SYT14: variants seen among roughly 807,000 people sequenced by gnomAD.
The protein encoded by SYT14 is synaptotagmin-14.
In SYT14, 32 loss-of-function variants were observed where a neutral mutation model predicts 74.2. The ratio of observed to expected loss-of-function variants is 0.43; its 90% CI spans 0.33 to 0.58. The LOEUF is 0.58. SYT14 is among the 20% of genes least tolerant of loss of function. SYT14 has a pLI of 0.05. For missense variants in SYT14, 791 were observed against 981.8 expected (o/e 0.81, Z 2.60); for synonymous variants, 298 against 337.7 (o/e 0.88, Z 1.29).
At chr1:209,962,656 G>C (rs1266747762) in intron 2 of SYT14, among the ~76,000 whole-genome samples, 1 of 152,028 alleles carries the variant, frequency 6.6e-6, no homozygotes, top group Non-Finnish European at 1.5e-5. Context: ...CCAAATTCAG[G>C]CTGCCATAAA....
chr1:210,112,089 T>G (rs1278666943), intron 7 of SYT14, among the ~76,000 whole-genome samples: 3 of 151,312 alleles, frequency 2.0e-5, no homozygotes, highest in African/African-American at 7.4e-5. Flanking sequence ...CAAGGAATTA[T>G]GTCTCACAGA....
At chr1:210,111,897 G>T (rs1313683543) in intron 7 of SYT14, among the ~76,000 whole-genome samples, 4 of 151,136 alleles carry the variant, frequency 2.6e-5, no homozygotes, top group African/African-American at 9.9e-5. Flanking sequence ...TTTTAAGTTG[G>T]AGGCTGTGAG....
intron 5 of SYT14, among the ~76,000 whole-genome samples, chr1:210,079,695 T>G (rs2081583861): frequency 6.6e-6 from 1 of 152,094 alleles, no homozygotes; most frequent in Non-Finnish European, 1.5e-5. Context: ...AAGAAAAAAC[T>G]ATTTTGAGTC....
rs910307839 is a variant in SYT14 at position 210,016,836 on chromosome 1, C to G, written c.833C>G (p.Ser278Ter). ...AAAGCATCCAAAGGGAATGAGTGTT[C>G]AGGAAATGAATGTTCTTTAAAAGAT... The change falls in exon 4 of 10, where the codon TCA becomes TGA. Residue 278 changes from serine to a stop codon, truncating the protein, a stop_gained. Coordinates refer to ENST00000637265, the Ensembl canonical transcript of SYT14. LOFTEE classifies it high-confidence loss of function. 1 of 1,231,684 alleles carries G rather than the reference C, an allele frequency of 8.1e-7. No individual in the cohort carries two copies. Among genetic ancestry groups the G allele is most frequent in the Non-Finnish European group, 1.0e-6 (1 of 987,802 alleles). The allele number at this position is 1,231,684 out of a possible 1,614,324, so 76.3% of individuals were successfully genotyped here. A position where few individuals can be genotyped will look rare whatever the true frequency, so the allele number is the denominator to read the frequency against.
At chr1:210,141,061 A>T (rs1171598460) in intron 7 of SYT14, among the ~76,000 whole-genome samples, 1 of 151,854 alleles carries the variant, frequency 6.6e-6, no homozygotes, top group Admixed American at 6.6e-5. Flanking sequence ...AAAAAAAAAA[A>T]AAAGAAGGCC....
intron 5 of SYT14, among the ~76,000 whole-genome samples, chr1:210,021,721 A>G (rs2080308340): frequency 1.3e-5 from 2 of 152,306 alleles, no homozygotes; most frequent in Non-Finnish European, 1.5e-5. Flanking sequence ...AGAAATGGTA[A>G]TCTGTTTTGT....
At chr1:209,989,335 A>G (rs1465989841) in intron 2 of SYT14, among the ~76,000 whole-genome samples, 2 of 152,230 alleles carry the variant, frequency 1.3e-5, no homozygotes, top group Non-Finnish European at 1.5e-5. Context: ...AGAGAACAAG[A>G]TATGGTGAAA....
intron 6 of SYT14, among the ~76,000 whole-genome samples, chr1:210,098,105 G>A (rs1269079099): frequency 3.3e-5 from 5 of 151,776 alleles, no homozygotes; most frequent in Non-Finnish European, 7.4e-5. Context: ...AGCATGGGAG[G>A]CCAAGGCTGC....
chr1:210,022,060 A>T (rs564633352), intron 5 of SYT14, among the ~76,000 whole-genome samples: 1 of 152,178 alleles, frequency 6.6e-6, no homozygotes, highest in Non-Finnish European at 1.5e-5. Flanking sequence ...TTATCTTTAT[A>T]CCCAGATATG....
In SYT14 at chr1:210,019,425, G is replaced by A. The variant is rs545041935; in HGVS notation, c.1097-1614G>A. Among the ~76,000 whole-genome samples the A allele has an allele frequency of 3.9e-5, 6 of 152,252 alleles. 1 individual carries two copies. The highest frequency in any genetic ancestry group is 8.8e-5 in the Non-Finnish European group (6 of 68,018). ...CTCTGCATTGTTCCATATAGTAACC[G>A]CTAGCTGCATGTGGCTGTTGAGCAC... On this transcript the variant is annotated intron_variant, in intron 4 of 9. Transcript: ENST00000637265.
intron 5 of SYT14, among the ~76,000 whole-genome samples, chr1:210,048,963 A>G (rs2080937858): frequency 6.6e-6 from 1 of 152,244 alleles, no homozygotes; most frequent in Non-Finnish European, 1.5e-5. Flanking sequence ...AGGGCAGTCA[A>G]ATCTTAAAGC....
exon 10 of SYT14, chr1:210,165,990 G>A (rs2083451518): frequency 6.6e-6 from 1 of 152,182 alleles, no homozygotes; most frequent in African/African-American, 2.4e-5. Flanking sequence ...TGCCCTCATG[G>A]GGCCTACATT....
Position 210,038,263 on chromosome 1 carries a change from A to T in SYT14, c.1312+17009A>T, listed in dbSNP as rs1297436284. On this transcript the variant is annotated intron_variant, in intron 5 of 9. Coordinates refer to ENST00000637265, the Ensembl canonical transcript of SYT14. ...CTACTCACTTTTGGCTTCCATTTGA[A>T]TGGAGTATCTTTTTCCACTTCTTCA... Among the ~76,000 whole-genome samples, 3 of 151,992 alleles carry T rather than the reference A, an allele frequency of 2.0e-5. 1 individual carries two copies. The highest frequency in any genetic ancestry group is 7.2e-5 in the African/African-American group (3 of 41,412).
chr1:210,019,142 A>AAAAG (rs2080250815), intron 4 of SYT14, among the ~76,000 whole-genome samples: 1 of 151,166 alleles, frequency 6.6e-6, no homozygotes, highest in African/African-American at 2.4e-5. Context: ...AAAAAAAAAA[A>AAAAG]AAAAAAAAAA....
intron 6 of SYT14, among the ~76,000 whole-genome samples, chr1:210,097,912 C>T (rs936916670): frequency 6.6e-6 from 1 of 152,116 alleles, no homozygotes; most frequent in Non-Finnish European, 1.5e-5. Context: ...CATGGTGGCT[C>T]ACACCTTTAA....
At chr1:209,995,103 A>G (rs550422499) in intron 2 of SYT14, among the ~76,000 whole-genome samples, 22 of 152,318 alleles carry the variant, frequency 1.4e-4, no homozygotes, top group Non-Finnish European at 3.2e-4. Context: ...CCTAACAACC[A>G]GCTAACAAGA....
chr1:209,948,721 A>C (rs987064571), intron 1 of SYT14, among the ~76,000 whole-genome samples: 1 of 152,178 alleles, frequency 6.6e-6, no homozygotes, highest in African/African-American at 2.4e-5. Context: ...AGTGACCTTG[A>C]GCAACTTTAA....
intron 7 of SYT14, among the ~76,000 whole-genome samples, chr1:210,124,185 T>A: frequency 6.7e-6 from 1 of 148,878 alleles, no homozygotes; most frequent in East Asian, 1.9e-4. Flanking sequence ...AACCAAAAAA[T>A]TTACTATCTG....
intron 7 of SYT14, among the ~76,000 whole-genome samples, chr1:210,127,765 C>T (rs1464874527): frequency 6.6e-6 from 1 of 152,164 alleles, no homozygotes. Flanking sequence ...GTGGCTCACT[C>T]CTGTAATCCC....
Sources: allele counts gnomAD v4.1 joint callset (sites outside exome capture counted in the v4.1 genomes callset), GRCh38; gene constraint gnomAD v4.1.1; transcripts MANE v1.5; gene names NCBI Gene and HGNC (gene_info 2026-07-23, HGNC 2026-07-21).